Variants in PSMG2 observed in about 807,000 individuals in gnomAD.
PSMG2 encodes the protein CD40 ligand-activated specific transcript 3.
PSMG2 carries 21 observed loss-of-function variants against 31.5 expected under a neutral mutation model. The ratio of observed to expected loss-of-function variants is 0.67; its 90% CI spans 0.47 to 0.96. The LOEUF is 0.96. Ranked by LOEUF, PSMG2 falls within the 40% of genes least tolerant of loss-of-function variation. PSMG2 has a pLI of 0.00. For missense variants in PSMG2, 318 were observed against 321.2 expected (o/e 0.99, Z 0.08); for synonymous variants, 120 against 110.4 (o/e 1.09, Z -0.54).
intron 5 of PSMG2, 131 bp downstream of exon 5, chr18:12,720,814 A>C: frequency 1.1e-6 from 1 of 879,402 alleles, no homozygotes; most frequent in South Asian, 2.3e-5. Flanking sequence ...AAAAAACAAC[A>C]ACAAAAAAAA....
At chr18:12,678,347 T>C (rs370679694) in intron 1 of PSMG2, 20 of 1,614,092 alleles carry the variant, frequency 1.2e-5, no homozygotes, top group Non-Finnish European at 1.7e-5. Context: ...GAACATCTGA[T>C]GGTTGAAAAC....
chr18:12,708,134 A>G (rs968896016), intron 2 of PSMG2, among the ~76,000 whole-genome samples: 69 of 152,132 alleles, frequency 4.5e-4, no homozygotes, highest in African/African-American at 1.4e-3. Flanking sequence ...GAAAAAGAAA[A>G]AAATTAGCCA....
In PSMG2 at chr18:12,679,718, C is replaced by A. The variant is rs927628530; in HGVS notation, c.-37+20945C>A. On this transcript the variant is annotated intron_variant, in intron 1 of 6. Coordinates refer to the PSMG2 transcript ENST00000585331. Reference sequence around the variant, plus strand: ...ACCACATCAAATTTTAAAAAGAAATCATCATTTACAACTTGAACTTATTTT... The same window carrying A: ...ACCACATCAAATTTTAAAAAGAAATAATCATTTACAACTTGAACTTATTTT... Among the ~76,000 whole-genome samples, 6 of 152,252 alleles carry A rather than the reference C, an allele frequency of 3.9e-5. No homozygotes were observed. In the East Asian group the frequency reaches 9.6e-4, roughly 24 times the overall value.
intron 1 of PSMG2, chr18:12,678,497 T>A: frequency 8.4e-7 from 1 of 1,185,706 alleles, no homozygotes; most frequent in South Asian, 1.6e-5. Context: ...AAAGGCAGCA[T>A]CTTACTGAGA....
chr18:12,659,254 CG>C (rs1308204399), intron 1 of PSMG2, among the ~76,000 whole-genome samples: 2 of 134,380 alleles, frequency 1.5e-5, no homozygotes, highest in African/African-American at 5.3e-5. Context: ...TTGCATCTTG[CG>C]GTAGAAACTA....
At chr18:12,664,309 C>T (rs9959127) in intron 1 of PSMG2, among the ~76,000 whole-genome samples, 121,461 of 152,100 alleles carry the variant, frequency 0.8, 48,941 homozygotes, top group Non-Finnish European at 0.83. Context: ...TTTGAGAGGC[C>T]GAGAAGGGTG....
intron 1 of PSMG2, among the ~76,000 whole-genome samples, chr18:12,675,000 C>CA (rs1184884168): frequency 6.6e-6 from 1 of 152,088 alleles, no homozygotes; most frequent in African/African-American, 2.4e-5. Flanking sequence ...ACAAAGTCTC[C>CA]AAATCCTGTA....
intron 1 of PSMG2, among the ~76,000 whole-genome samples, chr18:12,694,075 TCCACCCACCTTAG>T (rs1324257723): frequency 6.6e-6 from 1 of 152,152 alleles, no homozygotes; most frequent in East Asian, 1.9e-4. Flanking sequence ...TCAAAAGTGA[TCCACCCACCTTAG>T]CCTCCCACAG....
At chr18:12,724,976 A>G (rs899836799) in intron 6 of PSMG2, 2 of 317,142 alleles carry the variant, frequency 6.3e-6, no homozygotes, top group Non-Finnish European at 1.1e-5. Flanking sequence ...TGTGAGCAAT[A>G]CTGTAGCTAT....
intron 1 of PSMG2, among the ~76,000 whole-genome samples, chr18:12,666,436 G>GTATTT (rs1555640544): frequency 7.9e-5 from 10 of 126,624 alleles, no homozygotes; most frequent in African/African-American, 2.6e-4. Context: ...AAATTTTATG[G>GTATTT]TTTTTTTTTT....
intron 1 of PSMG2, chr18:12,686,512 C>A (rs1019336011): frequency 1.7e-6 from 2 of 1,188,284 alleles, no homozygotes; most frequent in Non-Finnish European, 2.4e-6. Context: ...ATGTTTTTTT[C>A]AAATACATTA....
chr18:12,660,617 G>A lies in PSMG2; in HGVS notation c.-37+1844G>A, dbSNP rs188298067. Among the ~76,000 whole-genome samples the A allele has an allele frequency of 2.5e-3, 378 of 152,110 alleles. 4 individuals are homozygous for A. Among genetic ancestry groups the A allele is most frequent in the African/African-American group, 8.8e-3 (365 of 41,494 alleles). On this transcript the variant is annotated intron_variant, in intron 1 of 6. Coordinates refer to the PSMG2 transcript ENST00000585331. ...ATTACAGGTGTGAGCCACTGTGCCC[G>A]GCCAAAAGATACATTCTTAAAAACA...
At chr18:12,702,266 C>T (rs527799483), upstream of PSMG2, among the ~76,000 whole-genome samples, 1 of 152,248 alleles carries the variant, frequency 6.6e-6, no homozygotes, top group Non-Finnish European at 1.5e-5. Flanking sequence ...CGTTCTATCG[C>T]CCCAGACTCT....
intron 1 of PSMG2, among the ~76,000 whole-genome samples, chr18:12,693,001 T>A (rs1052815909): frequency 1.3e-5 from 2 of 152,138 alleles, no homozygotes; most frequent in Non-Finnish European, 2.9e-5. Context: ...TTTTAAAAAT[T>A]TTTGTAGAGA....
At chr18:12,688,593 T>C (rs974946678) in intron 1 of PSMG2, among the ~76,000 whole-genome samples, 1 of 152,218 alleles carries the variant, frequency 6.6e-6, no homozygotes, top group African/African-American at 2.4e-5. Context: ...TCTAATATTA[T>C]CTAAATATAT....
At position 12,714,654 on chromosome 18, in the gene PSMG2, C is replaced by T. The variant is rs576370956; in HGVS notation, c.288+1894C>T. 3.3e-5 allele frequency among the ~76,000 whole-genome samples: 5 copies of T among 151,694 alleles called. No individual in the cohort carries two copies. In the South Asian group the frequency reaches 6.3e-4, roughly 19 times the overall value. On this transcript the variant is annotated intron_variant, in intron 3 of 6. Transcript: ENST00000317615. ...GATTACAGGCATGCACCACCACACC[C>T]GGCTAATTTTTGTATTTTTTTGTAG...
At chr18:12,676,311 TCTTA>T (rs1205054687) in intron 1 of PSMG2, among the ~76,000 whole-genome samples, 2 of 125,694 alleles carry the variant, frequency 1.6e-5, no homozygotes, top group Non-Finnish European at 3.3e-5. Flanking sequence ...TGAGACAGGG[TCTTA>T]CTCTGTCACC....
At chr18:12,680,956 T>G (rs1041774101) in intron 1 of PSMG2, 5 of 812,512 alleles carry the variant, frequency 6.2e-6, no homozygotes, top group Non-Finnish European at 9.1e-6. Flanking sequence ...CCCAACACTT[T>G]GGGAGGCCAA....
intron 1 of PSMG2, among the ~76,000 whole-genome samples, chr18:12,661,078 C>A (rs975244650): frequency 6.6e-6 from 1 of 152,132 alleles, no homozygotes; most frequent in East Asian, 1.9e-4. Flanking sequence ...GAGGCCGAGG[C>A]GGGCAGATCA....
Sources: gnomAD v4.1 joint callset for allele counts (sites outside exome capture counted in the v4.1 genomes callset) on GRCh38, gnomAD v4.1.1 for gene constraint, MANE v1.5 for transcripts, NCBI Gene and HGNC (gene_info 2026-07-23, HGNC 2026-07-21) for gene names.